Variants in PPME1 observed in about 807,000 individuals in gnomAD.
PPME1 encodes testicular secretory protein Li 39.
Under a neutral mutation model 56.9 loss-of-function variants are expected in PPME1, and 17 were observed. The ratio of observed to expected loss-of-function variants is 0.30; its 90% CI spans 0.20 to 0.45. PPME1 has a LOEUF of 0.45. Among genes scored for constraint, PPME1 ranks in the 20% least tolerant of loss-of-function variants. The probability of loss-of-function intolerance (pLI) is 1.00; values close to 1 mark genes in which losing one functional copy is unlikely to be tolerated. For missense variants in PPME1, 357 were observed against 483.2 expected, an observed-to-expected ratio of 0.74 and a Z score of 2.45; for synonymous variants, 122 against 156.2, an observed-to-expected ratio of 0.78 and a Z score of 1.63.
At chr11:74,186,705 A>G (rs1041004735) in intron 1 of PPME1, among the ~76,000 whole-genome samples, 1 of 152,216 alleles carries the variant, frequency 6.6e-6, no homozygotes, top group Non-Finnish European at 1.5e-5. Context: ...AAAATTTAGG[A>G]AGCTAGAAAG....
chr11:74,246,480 G>T (rs1377133704), intron 10 of PPME1, among the ~76,000 whole-genome samples: 2 of 152,254 alleles, frequency 1.3e-5, no homozygotes, highest in East Asian at 3.9e-4. Context: ...TCATGTCAGA[G>T]CTCTGCCCTC....
intron 1 of PPME1, 102 bp from the exon 2 acceptor site, chr11:74,203,626 T>A: frequency 1.4e-6 from 1 of 736,932 alleles, no homozygotes; most frequent in Non-Finnish European, 2.2e-6. Context: ...AGAAAATACC[T>A]TTGCTGTTTT....
Position 74,230,207 on chromosome 11 carries a change from A to G in PPME1, c.399-38A>G, listed in dbSNP as rs1859031057. 6.3e-7 allele frequency: 1 copy of G among 1,576,616 alleles called. No individual in the cohort carries two copies. The highest frequency in any genetic ancestry group is 8.6e-7 in the Non-Finnish European group (1 of 1,163,188). On this transcript the variant is annotated intron_variant, in intron 5 of 13. Transcript: ENST00000328257. This position sits in a 1 kb window ranked among gnomAD's most constrained non-coding sequence, Gnocchi z 4.9. ...AGAAAACCATTTTTACAGTGTTGTCAGAAAGCATTCTTAGATCTTTTTCTC... is the reference window on the plus strand; with the variant it reads ...AGAAAACCATTTTTACAGTGTTGTCGGAAAGCATTCTTAGATCTTTTTCTC...
rs117982729 is a variant in PPME1, at chr11:74,176,777, A to G, written c.101+5255A>G. Among the ~76,000 whole-genome samples, 604 of 124,260 alleles carry G rather than the reference A, an allele frequency of 4.9e-3. 16 individuals carry two copies. In the East Asian group the frequency reaches 0.084, roughly 17 times the overall value. 81.5% of individuals were successfully genotyped at this position (124,260 alleles called of 152,430 possible). On this transcript the variant is annotated intron_variant, in intron 1 of 13. Coordinates refer to ENST00000328257, the MANE Select transcript of PPME1 (RefSeq NM_016147.3). ...AGTCTTGCTCTGTCACCGAGGCCGG[A>G]TGGAGTGCAGTGGTGTGATCTTGGC...
At chr11:74,186,727 A>G (rs578068172) in intron 1 of PPME1, among the ~76,000 whole-genome samples, 2 of 152,228 alleles carry the variant, frequency 1.3e-5, no homozygotes, top group African/African-American at 4.8e-5. Flanking sequence ...AAGTTGATAA[A>G]TATTTAGAAG....
chr11:74,200,852 T>A (rs1301379997), intron 1 of PPME1, among the ~76,000 whole-genome samples: 1 of 152,110 alleles, frequency 6.6e-6, no homozygotes, highest in African/African-American at 2.4e-5. Flanking sequence ...TTATTTTTAT[T>A]TTTATTATTG....
At chr11:74,178,279 A>AT (rs1857448055) in intron 1 of PPME1, among the ~76,000 whole-genome samples, 1 of 152,076 alleles carries the variant, frequency 6.6e-6, no homozygotes, top group Non-Finnish European at 1.5e-5. Flanking sequence ...TTGTCTTTTA[A>AT]TTTTTTCCCA....
At chr11:74,185,523 C>G (rs1470435519) in intron 1 of PPME1, among the ~76,000 whole-genome samples, 1 of 151,986 alleles carries the variant, frequency 6.6e-6, no homozygotes, top group Non-Finnish European at 1.5e-5. Flanking sequence ...GGGTAAGCAA[C>G]TGCATTAGCC....
intron 3 of PPME1, among the ~76,000 whole-genome samples, chr11:74,206,539 G>C (rs941326344): frequency 1.3e-5 from 2 of 152,146 alleles, no homozygotes; most frequent in South Asian, 4.2e-4. Context: ...AGAAAGACTT[G>C]GGAGACATAA....
intron 3 of PPME1, among the ~76,000 whole-genome samples, chr11:74,215,894 T>TA (rs1482177314): frequency 6.6e-6 from 1 of 152,224 alleles, no homozygotes; most frequent in East Asian, 1.9e-4. Context: ...ACAAAAACTA[T>TA]AAAAAGAGGC....
rs748048802 is a variant in PPME1, at chr11:74,171,474, C to G, written c.53C>G (p.Pro18Arg). 6.2e-7 allele frequency: 1 copy of G among 1,613,520 alleles called. No homozygotes were observed. The highest frequency in any genetic ancestry group is 8.5e-7 in the Non-Finnish European group (1 of 1,179,802). The part of the protein sequence containing the change: ...MHLGRLPSRP[P>R]LPGSGGSQSG... ...CTCGGCCGCCTTCCCTCTCGCCCAC[C>G]TCTACCCGGCAGCGGGGGCAGTCAG... The change falls in exon 1 of 14, where the codon CCT becomes CGT. Residue 18 changes from proline to arginine, a missense_variant. By Grantham distance (103) the Pro-to-Arg change is moderately radical. Coordinates refer to ENST00000328257, the MANE Select transcript of PPME1 (RefSeq NM_016147.3).
chr11:74,202,437 T>A (rs560621094), intron 1 of PPME1, among the ~76,000 whole-genome samples: 1 of 152,342 alleles, frequency 6.6e-6, no homozygotes, highest in African/African-American at 2.4e-5. Context: ...AATATATCCC[T>A]TCCTACCCAG....
intron 1 of PPME1, among the ~76,000 whole-genome samples, chr11:74,194,196 TTTTA>T (rs1857919947): frequency 6.6e-6 from 1 of 152,180 alleles, no homozygotes. Context: ...TTATTTTATT[TTTTA>T]TTTTTTAATT....
At chr11:74,215,550 A>C (rs1858615830) in intron 3 of PPME1, among the ~76,000 whole-genome samples, 1 of 152,198 alleles carries the variant, frequency 6.6e-6, no homozygotes, top group Admixed American at 6.6e-5. Flanking sequence ...AAAAAGCAAG[A>C]TATTTAAACA....
At chr11:74,252,217 G>A (rs959284991) in intron 13 of PPME1, among the ~76,000 whole-genome samples, 1 of 146,588 alleles carries the variant, frequency 6.8e-6, no homozygotes, top group Non-Finnish European at 1.5e-5. Context: ...ACAGGCGTAC[G>A]CCACCGTACC....
intron 11 of PPME1, 54 bp from the exon 12 acceptor site, chr11:74,250,900 A>G: frequency 6.8e-7 from 1 of 1,467,972 alleles, no homozygotes; most frequent in Non-Finnish European, 9.4e-7. Flanking sequence ...ATGAGGCTGC[A>G]TAAGAGAGGG....
chr11:74,234,036 A>C (rs1170336704), intron 7 of PPME1, among the ~76,000 whole-genome samples: 1 of 152,178 alleles, frequency 6.6e-6, no homozygotes, highest in Non-Finnish European at 1.5e-5. Flanking sequence ...GTCATTTTTT[A>C]ATGTATTTTC....
rs527368165 is a variant in PPME1 at position 74,240,052 on chromosome 11, C to A, written c.834+796C>A. On this transcript the variant is annotated intron_variant, in intron 9 of 13. Transcript: ENST00000328257. Reference sequence around the variant, plus strand: ...ACGTGATCATCCCACCTCAGCCTCCCCAGTAGCTGTAGCTGGGACTACAGG... The same window carrying A: ...ACGTGATCATCCCACCTCAGCCTCCACAGTAGCTGTAGCTGGGACTACAGG... Among the ~76,000 whole-genome samples the A allele has an allele frequency of 4.6e-5, 7 of 151,238 alleles. No individual in the cohort carries two copies. In the East Asian group the frequency reaches 1.4e-3, roughly 30 times the overall value.
intron 1 of PPME1, among the ~76,000 whole-genome samples, chr11:74,175,001 C>G (rs1215847343): frequency 6.6e-6 from 1 of 152,084 alleles, no homozygotes; most frequent in Non-Finnish European, 1.5e-5. Context: ...TGGATGTTGC[C>G]AAAAACAGTG....
Sources: allele counts gnomAD v4.1 joint callset (sites outside exome capture counted in the v4.1 genomes callset), GRCh38; gene constraint gnomAD v4.1.1; non-coding constraint Gnocchi (gnomAD v3.1); transcripts MANE v1.5; gene names NCBI Gene and HGNC (gene_info 2026-07-23, HGNC 2026-07-21).